Variants in QRICH2 observed in about 807,000 individuals in gnomAD.
QRICH2 encodes glutamine-rich protein 2.
A neutral mutation model predicts 168.3 loss-of-function variants in QRICH2; 119 were observed. The observed-to-expected ratio is 0.71, with a 90% CI of 0.61 to 0.82. The LOEUF (loss-of-function observed/expected upper bound fraction) is 0.82. Among genes scored for constraint, QRICH2 ranks in the 40% least tolerant of loss-of-function variants. The pLI is 0.00. For synonymous variants in QRICH2, 894 were observed against 951.2 expected (o/e 0.94, Z 1.11); for missense variants, 2,241 against 2,491.6 (o/e 0.90, Z 2.14).
chr17:76,277,122 T>G, intron 16 of QRICH2, 41 bp downstream of exon 16: 1 of 1,510,708 alleles, frequency 6.6e-7, no homozygotes, highest in Non-Finnish European at 8.8e-7. Context: ...TGGAGCCATG[T>G]CAGGGCCTCC....
intron 7 of QRICH2, among the ~76,000 whole-genome samples, chr17:76,284,959 ATT>A (rs747101379): frequency 7.0e-5 from 10 of 143,794 alleles, no homozygotes; most frequent in Admixed American, 7.0e-5. Flanking sequence ...AGTGGCTATA[ATT>A]TTTTTTTTTT....
At chr17:76,287,037 CCACAT>C (rs1346769574) in intron 7 of QRICH2, among the ~76,000 whole-genome samples, 150 bp downstream of exon 7, 3 of 132,670 alleles carry the variant, frequency 2.3e-5, no homozygotes, top group Non-Finnish European at 4.9e-5. Flanking sequence ...TGCCCACACA[CCACAT>C]AACACACACA....
chr17:76,292,694 C>T lies in QRICH2; in HGVS notation c.2033G>A (p.Arg678His), dbSNP rs145345195. 50 of 1,613,206 alleles carry T rather than the reference C, an allele frequency of 3.1e-5. No homozygotes were observed. The highest frequency in any genetic ancestry group is 9.4e-5 in the African/African-American group (7 of 74,624). ...ATATGCACCAGGCTGCACCAAAGCA[C>T]GCTGAAATCTGCCAGGTTGGACCAT... The part of the protein sequence containing the change: ...PGMVQPGRFQ[R>H]ALVQPGAYQP... The change falls in exon 4 of 19, where the codon CGT becomes CAT. Residue 678 changes from arginine (R) to histidine (H), a missense_variant. By Grantham distance (29) the Arg-to-His change is conservative. Transcript: ENST00000680821.
chr17:76,281,223 C>A lies in QRICH2; in HGVS notation c.4264-270G>T, dbSNP rs1384712566. 6.6e-6 allele frequency among the ~76,000 whole-genome samples: 1 copy of A among 152,172 alleles called. No individual in the cohort carries two copies. Among genetic ancestry groups the A allele is most frequent in the Non-Finnish European group, 1.5e-5 (1 of 68,020 alleles). On this transcript the variant is annotated intron_variant, in intron 8 of 18. Transcript: ENST00000680821. The surrounding 1 kb of genome is among the most constrained non-coding windows in gnomAD (Gnocchi z 4.4). ...AATTTTCCACTAACAGTGCGGGAGG[C>A]CCTCTGTCTGCCCTTTCTGGGTGTC...
intron 5 of QRICH2, among the ~76,000 whole-genome samples, chr17:76,288,964 C>T (rs1459060726): frequency 2.0e-5 from 3 of 151,630 alleles, no homozygotes; most frequent in Non-Finnish European, 2.9e-5. Context: ...ATTAGCCGGG[C>T]GTGGTGGCGA....
At position 76,307,820 on chromosome 17, in the gene QRICH2, G is replaced by A. The variant is rs984707004; in HGVS notation, c.179C>T (p.Ser60Leu). The A allele has an allele frequency of 9.3e-6, 12 of 1,297,106 alleles. No individual in the cohort carries two copies. The highest frequency in any genetic ancestry group is 1.5e-5 in the African/African-American group (1 of 65,030). The allele number at this position is 1,297,106 out of a possible 1,614,324, so 80.3% of individuals were successfully genotyped here. A position where few individuals can be genotyped will look rare whatever the true frequency, so the allele number is the denominator to read the frequency against. Reference sequence around the variant, plus strand: ...GAACGAGCTCCGGACGGACTGCAGCGAGCGGCTGGGCTCGGGCGACGAGGG... The same window carrying A: ...GAACGAGCTCCGGACGGACTGCAGCAAGCGGCTGGGCTCGGGCGACGAGGG... Reference protein sequence around the residue: ...FQPSSPEPSRSLQSVRSSFSI... With the variant: ...FQPSSPEPSRLLQSVRSSFSI... Residue 60 changes from serine (S) to leucine (L), a missense_variant, in exon 1 of 19, where the codon TCG becomes TTG. This residue lies in a region of QRICH2 where 2,047 missense variants were observed against 2,303.8 expected (regional missense o/e 0.89). Transcript: ENST00000680821. The surrounding 1 kb of genome is among the most constrained non-coding windows in gnomAD (Gnocchi z 5.3).
intron 6 of QRICH2, 40 bp from the exon 7 acceptor site, chr17:76,287,346 G>A: frequency 6.8e-7 from 1 of 1,471,230 alleles, no homozygotes. Context: ...TCCACACTCA[G>A]GCCAGACCCA....
chr17:76,288,961 G>A (rs184587264), intron 5 of QRICH2, among the ~76,000 whole-genome samples: 1,618 of 151,904 alleles, frequency 0.011, 19 homozygotes, highest in Middle Eastern at 0.021. Context: ...AAAATTAGCC[G>A]GGCGTGGTGG....
Position 76,292,123 on chromosome 17 carries a change from C to T in QRICH2, c.2604G>A (p.Gln868=). 4 of 1,612,766 alleles carry T rather than the reference C, an allele frequency of 2.5e-6. No homozygotes were observed. The highest frequency in any genetic ancestry group is 3.4e-6 in the Non-Finnish European group (4 of 1,179,500). ...QRGLVQPGVD[Q]RGLVQPGVDQ... is the part of the protein sequence containing the mutation. ...CCACTCCAGGTTGCACCAAACCACG[C>T]TGATCCACTCCAGGTTGGACCAAAC... The change falls in exon 4 of 19, where the codon CAG becomes CAA. Residue 868 remains glutamine (Q), a synonymous_variant. Coordinates refer to ENST00000680821, the MANE Select transcript of QRICH2 (RefSeq NM_001388453.1).
In QRICH2 at chr17:76,297,870, G is replaced by GTTTTTTTTTTTTTT. The variant is rs1169251679; in HGVS notation, c.706-3863_706-3850dup. On this transcript the variant is annotated intron_variant, in intron 3 of 18. Coordinates refer to ENST00000680821, the MANE Select transcript of QRICH2 (RefSeq NM_001388453.1). ...AGTAGCTAGGACTACTTAGGAATCT[G>GTTTTTTTTTTTTTT]TTTTTTTTTTTTTTTTTTTTTTTTT... 1.1e-3 allele frequency among the ~76,000 whole-genome samples: 91 copies of GTTTTTTTTTTTTTT among 79,490 alleles called. 3 individuals carry two copies. Among genetic ancestry groups the GTTTTTTTTTTTTTT allele is most frequent in the African/African-American group, 1.7e-3 (32 of 18,488 alleles). The allele number at this position is 79,490 out of a possible 152,430, so 52.1% of individuals were successfully genotyped here. A position where few individuals can be genotyped will look rare whatever the true frequency, so the allele number is the denominator to read the frequency against.
At position 76,289,987 on chromosome 17, in the gene QRICH2, C is replaced by G. The variant is rs180924391; in HGVS notation, c.3798+5G>C. The G allele has an allele frequency of 1.9e-6, 3 of 1,596,652 alleles. No individual in the cohort carries two copies. The highest frequency in any genetic ancestry group is 2.3e-5 in the East Asian group (1 of 44,358). On this transcript the variant is annotated splice_donor_5th_base_variant and intron_variant, in intron 5 of 18. Transcript: ENST00000680821. The stretch of plus-strand genomic sequence containing the variant: ...AAAAGACAAAGTGGGTTGACTCTTC[C>G]TTACTTTTGCTTTCTCCTGCCAAAC...
chr17:76,303,272 G>T lies in QRICH2; in HGVS notation c.705+1143C>A, dbSNP rs577509961. Among the ~76,000 whole-genome samples, 5 of 152,148 alleles carry T rather than the reference G, an allele frequency of 3.3e-5. No individual in the cohort carries two copies. In the South Asian group the frequency reaches 1.0e-3, roughly 32 times the overall value. On this transcript the variant is annotated intron_variant, in intron 3 of 18. Transcript: ENST00000680821. ...TCCTGGAGATCCCAGGTTGTTTTTT[G>T]TACCCAGATATTTGGCGCTCCCCAA...
intron 4 of QRICH2, among the ~76,000 whole-genome samples, chr17:76,290,297 G>T (rs77123057): frequency 1.3e-5 from 2 of 152,136 alleles, no homozygotes; most frequent in African/African-American, 4.8e-5. Context: ...ATCCTAAAGG[G>T]CTTTGGGACA....
chr17:76,280,617 C>A lies in QRICH2; in HGVS notation c.4461+37G>T. 1 of 1,612,394 alleles carries A rather than the reference C, an allele frequency of 6.2e-7. No individual in the cohort carries two copies. The highest frequency in any genetic ancestry group is 8.5e-7 in the Non-Finnish European group (1 of 1,178,490). On this transcript the variant is annotated intron_variant, in intron 10 of 18. Transcript: ENST00000680821. This position sits in a 1 kb window ranked among gnomAD's most constrained non-coding sequence, Gnocchi z 7.4. ...TCAAAGAACAGTCAGCGAGACCGCC[C>A]TGGGACACAGCGTGGCTCCTGGGGC...
chr17:76,296,328 T>C (rs544076437), intron 3 of QRICH2, among the ~76,000 whole-genome samples: 1 of 152,292 alleles, frequency 6.6e-6, no homozygotes, highest in African/African-American at 2.4e-5. Flanking sequence ...AAAGGAAAAC[T>C]GGGAAGCCTG....
intron 7 of QRICH2, among the ~76,000 whole-genome samples, chr17:76,283,078 AG>A (rs1243342199): frequency 2.0e-5 from 3 of 152,168 alleles, no homozygotes; most frequent in Admixed American, 1.3e-4. Context: ...CACGGCCTAC[AG>A]CTGCACATCC....
rs1282328182 is a variant in QRICH2 at position 76,281,435 on chromosome 17, A to G, written c.4263+429T>C. On this transcript the variant is annotated intron_variant, in intron 8 of 18. Transcript: ENST00000680821. The surrounding 1 kb of genome is among the most constrained non-coding windows in gnomAD (Gnocchi z 4.4). ...CTCCTGGCCCAAATCTGAGTTCCTCAGCCCAAGAGGCAGGACCCAGGATTT... is the reference window on the plus strand; with the variant it reads ...CTCCTGGCCCAAATCTGAGTTCCTCGGCCCAAGAGGCAGGACCCAGGATTT... 1.3e-5 allele frequency among the ~76,000 whole-genome samples: 2 copies of G among 152,152 alleles called. No individual in the cohort carries two copies. The highest frequency in any genetic ancestry group is 6.5e-5 in the Admixed American group (1 of 15,276).
rs142298015 is a variant in QRICH2, at chr17:76,292,033, C to G, written c.2694G>C (p.Gln898His). The change falls in exon 4 of 19, where the codon CAG (glutamine) becomes CAC (histidine). Residue 898 changes from glutamine to histidine, a missense_variant. Coordinates refer to ENST00000680821, the MANE Select transcript of QRICH2 (RefSeq NM_001388453.1). Reference sequence around the variant, plus strand: ...CTGCACCAGGCTGGACCAAACCAGGCTGATCTGCACCAGGTTGGATCAAAC... The same window carrying G: ...CTGCACCAGGCTGGACCAAACCAGGGTGATCTGCACCAGGTTGGATCAAAC... ...QRGLIQPGAD[Q>H]PGLVQPGAGQ... 112 of 1,614,260 alleles carry G rather than the reference C, an allele frequency of 6.9e-5. No homozygotes were observed. In the African/African-American group the frequency reaches 1.3e-3, roughly 19 times the overall value.
chr17:76,291,435 G>T lies in QRICH2; in HGVS notation c.3292C>A (p.His1098Asn), dbSNP rs1218588554. 1 of 1,614,106 alleles carries T rather than the reference G, an allele frequency of 6.2e-7. No individual in the cohort carries two copies. The highest frequency in any genetic ancestry group is 8.5e-7 in the Non-Finnish European group (1 of 1,180,014). Residue 1098 changes from histidine (H) to asparagine (N), a missense_variant, in exon 4 of 19, where the codon CAT (histidine) becomes AAT (asparagine). This residue lies in a region of QRICH2 where 2,047 missense variants were observed against 2,303.8 expected (regional missense o/e 0.89). Transcript: ENST00000680821. Reference sequence around the variant, plus strand: ...TGACTGTCAAAGAGAGAGAAAGCATGGCCATGCTGAGCTGCATCTGGGTAT... The same window carrying T: ...TGACTGTCAAAGAGAGAGAAAGCATTGCCATGCTGAGCTGCATCTGGGTAT... ...QVYPDAAQHG[H>N]AFSLFDSHDS...
Sources: allele counts gnomAD v4.1 joint callset (sites outside exome capture counted in the v4.1 genomes callset), GRCh38; gene constraint gnomAD v4.1.1; regional missense constraint gnomAD v4.1.1; non-coding constraint Gnocchi (gnomAD v3.1); transcripts MANE v1.5; gene names NCBI Gene and HGNC (gene_info 2026-07-23, HGNC 2026-07-21).